Variants in TLK1 observed in about 807,000 individuals in gnomAD.
TLK1 encodes tousled like kinase 1.
Under a neutral mutation model 105.3 loss-of-function variants are expected in TLK1, and 24 were observed. That is an observed-to-expected ratio of 0.23 (90% CI 0.17 to 0.32). The LOEUF (loss-of-function observed/expected upper bound fraction) is 0.32. Ranked by LOEUF, TLK1 falls within the 10% of genes least tolerant of loss-of-function variation. The pLI is 1.00. For missense variants in TLK1, 558 were observed against 910.5 expected, an observed-to-expected ratio of 0.61 and a Z score of 4.98; for synonymous variants, 321 against 310.4, an observed-to-expected ratio of 1.03 and a Z score of -0.36.
At position 171,061,163 on chromosome 2, in the gene TLK1, A is replaced by T; in HGVS notation, c.331-7T>A. 1 of 1,612,590 alleles carries T rather than the reference A, an allele frequency of 6.2e-7. No individual in the cohort carries two copies. Among genetic ancestry groups the T allele is most frequent in the Non-Finnish European group, 8.5e-7 (1 of 1,179,366 alleles). On this transcript the variant is annotated splice_region_variant and splice_polypyrimidine_tract_variant and intron_variant, in intron 3 of 20. Coordinates refer to ENST00000431350, the MANE Select transcript of TLK1 (RefSeq NM_012290.5). ...ATTGTTTCTTCTCCGGTGTCTACAG[A>T]AAACAAGATAACAGATTTTTAAATG...
chr2:171,000,994 T>C (rs139884835), intron 18 of TLK1, among the ~76,000 whole-genome samples: 142 of 152,230 alleles, frequency 9.3e-4, no homozygotes, highest in African/African-American at 3.1e-3. Context: ...AAGATCCATA[T>C]CTTGAAACCC....
At position 171,160,303 on chromosome 2, in the gene TLK1, C is replaced by A; in HGVS notation, c.126G>T (p.Gly42=). 2 of 1,586,246 alleles carry A rather than the reference C, an allele frequency of 1.3e-6. No individual in the cohort carries two copies. Among genetic ancestry groups the A allele is most frequent in the South Asian group, 2.3e-5 (2 of 88,340 alleles). Residue 42 remains glycine, a synonymous_variant, in exon 1 of 21, where the codon GGG becomes GGT. Coordinates refer to ENST00000431350, the MANE Select transcript of TLK1 (RefSeq NM_012290.5). This position sits in a 1 kb window ranked among gnomAD's most constrained non-coding sequence, Gnocchi z 4.4. ...RSLLNHTPPS[G]RPREGAMDEL... is the part of the protein sequence containing the mutation. ...GGCGGTGCTTACCTTCCCTGGGCCT[C>A]CCGGATGGCGGCGTGTGATTCAGCA... is the stretch of plus-strand genomic sequence containing the variant.
At chr2:171,117,963 G>A (rs1690504218) in intron 1 of TLK1, 106 bp from the exon 2 acceptor site, 2 of 703,852 alleles carry the variant, frequency 2.8e-6, no homozygotes, top group Admixed American at 6.9e-5. Context: ...AAAAATTTAG[G>A]AATGAATGCT....
chr2:171,001,234 A>C (rs923160516), intron 18 of TLK1, among the ~76,000 whole-genome samples: 2 of 152,126 alleles, frequency 1.3e-5, no homozygotes, highest in African/African-American at 4.8e-5. Context: ...TGTCCTCTTT[A>C]ACAGCACTGA....
At chr2:171,169,492 C>T (rs1234825789) in intron 1 of TLK1, among the ~76,000 whole-genome samples, 1 of 152,172 alleles carries the variant, frequency 6.6e-6, no homozygotes, top group East Asian at 1.9e-4. Context: ...TTCTCACTAT[C>T]TTTCCCAGGC....
chr2:171,178,316 C>T (rs999907745), intron 1 of TLK1, among the ~76,000 whole-genome samples: 1 of 152,156 alleles, frequency 6.6e-6, no homozygotes, highest in African/African-American at 2.4e-5. Context: ...CTGCTTGAGG[C>T]CAAGTCTGTG....
intron 1 of TLK1, among the ~76,000 whole-genome samples, chr2:171,192,857 G>A (rs1170509636): frequency 6.6e-6 from 1 of 152,058 alleles, no homozygotes; most frequent in Non-Finnish European, 1.5e-5. Flanking sequence ...TCATAAGAAG[G>A]GTCTTGAACC....
intron 1 of TLK1, among the ~76,000 whole-genome samples, chr2:171,206,380 T>C (rs534926621): frequency 6.6e-6 from 1 of 152,204 alleles, no homozygotes; most frequent in Non-Finnish European, 1.5e-5. Flanking sequence ...TGAAAAACAG[T>C]AAGAACCCTA....
At chr2:171,165,575 T>A (rs1216917245), upstream of TLK1, among the ~76,000 whole-genome samples, 1 of 152,108 alleles carries the variant, frequency 6.6e-6, no homozygotes, top group African/African-American at 2.4e-5. Context: ...GGGAAAAAAT[T>A]AATGTCTGAG....
rs1686944850 is a variant in TLK1 at position 171,045,974 on chromosome 2, G to A, written c.1169+200C>T. ...CTACCTAGGTCTCTGTTTTAAAAGA[G>A]AATTGTTAAATCTCTGCTTAAAACG... On this transcript the variant is annotated intron_variant, in intron 11 of 20. Coordinates refer to ENST00000431350, the MANE Select transcript of TLK1 (RefSeq NM_012290.5). The A allele has an allele frequency of 6.6e-6, 3 of 451,720 alleles. No homozygotes were observed. The South Asian group carries it at 2.3e-4, about 34-fold the overall frequency. 28.0% of individuals were successfully genotyped at this position (451,720 alleles called of 1,614,324 possible).
intron 13 of TLK1, among the ~76,000 whole-genome samples, chr2:171,013,430 C>A (rs1480615168): frequency 6.6e-6 from 1 of 150,694 alleles, no homozygotes; most frequent in Non-Finnish European, 1.5e-5. Flanking sequence ...CTCAGTTCCC[C>A]AAGTAGCTGC....
intron 1 of TLK1, among the ~76,000 whole-genome samples, chr2:171,141,826 G>C (rs926009848): frequency 2.6e-5 from 4 of 151,724 alleles, no homozygotes; most frequent in African/African-American, 9.7e-5. Flanking sequence ...AGAAAAAAAA[G>C]AGTATTTTCA....
chr2:171,022,964 GGAGT>G (rs1370692456), intron 12 of TLK1: 1 of 428,598 alleles, frequency 2.3e-6, no homozygotes, highest in African/African-American at 2.0e-5. Context: ...CCACTGTGAA[GGAGT>G]GAGAAAAGAG....
intron 1 of TLK1, among the ~76,000 whole-genome samples, chr2:171,135,088 G>A (rs1362016759): frequency 1.3e-5 from 2 of 152,050 alleles, no homozygotes; most frequent in Admixed American, 1.3e-4. Flanking sequence ...GAGAAATGAG[G>A]AAATGTTGGT....
At chr2:171,161,025 C>T, upstream of TLK1, 1 of 126,366 alleles carries the variant, frequency 7.9e-6, no homozygotes, top group Non-Finnish European at 1.6e-5. Flanking sequence ...GGGGAGGGAC[C>T]TGCCAGGGGC....
chr2:171,172,236 T>C (rs2195072), intron 1 of TLK1, among the ~76,000 whole-genome samples: 37,345 of 152,046 alleles, frequency 0.25, 4,847 homozygotes, highest in Middle Eastern at 0.34. Flanking sequence ...GGGTTAAAAA[T>C]CAGGACAGTG....
chr2:171,004,060 T>C (rs1305146996), intron 18 of TLK1, among the ~76,000 whole-genome samples: 1 of 152,142 alleles, frequency 6.6e-6, no homozygotes, highest in African/African-American at 2.4e-5. Context: ...ATTCAAACAA[T>C]TCCCCTGCCT....
chr2:171,150,779 C>T (rs547688856), intron 1 of TLK1, among the ~76,000 whole-genome samples: 1 of 152,318 alleles, frequency 6.6e-6, no homozygotes, highest in East Asian at 1.9e-4. Context: ...TTCCATCACC[C>T]TCCACATACA....
intron 2 of TLK1, among the ~76,000 whole-genome samples, chr2:171,110,012 A>G (rs919271147): frequency 6.6e-6 from 1 of 152,242 alleles, no homozygotes; most frequent in African/African-American, 2.4e-5. Context: ...AAGGGGCAGA[A>G]GAAAACTCTC....
Sources: gnomAD v4.1 joint callset for allele counts (sites outside exome capture counted in the v4.1 genomes callset) on GRCh38, gnomAD v4.1.1 for gene constraint, Gnocchi (gnomAD v3.1) non-coding constraint, MANE v1.5 for transcripts, NCBI Gene and HGNC (gene_info 2026-07-23, HGNC 2026-07-21) for gene names.